The following CHST9 variants were observed in gnomAD, a reference collection of about 807,000 sequenced individuals.
CHST9 encodes the protein carbohydrate sulfotransferase 9.
A neutral mutation model predicts 44.4 loss-of-function variants in CHST9; 41 were observed. That is an observed-to-expected ratio of 0.92 (90% CI 0.72 to 1.20). The LOEUF is 1.20. Ranked by LOEUF, CHST9 falls within the 50% of genes most tolerant of loss-of-function variation. The pLI is 0.00. For missense variants in CHST9, 504 were observed against 516.5 expected (o/e 0.98, Z 0.23); for synonymous variants, 171 against 178.4 (o/e 0.96, Z 0.33).
intron 4 of CHST9, among the ~76,000 whole-genome samples, chr18:27,017,419 C>T (rs575925831): frequency 1.3e-5 from 2 of 152,258 alleles, no homozygotes; most frequent in Non-Finnish European, 2.9e-5. Context: ...TAGAATATCA[C>T]ACATCAATAA....
intron 2 of CHST9, among the ~76,000 whole-genome samples, chr18:27,052,718 T>G (rs576240600): frequency 6.6e-6 from 1 of 152,296 alleles, no homozygotes; most frequent in African/African-American, 2.4e-5. Context: ...GTGGCACATA[T>G]ACACCATGGA....
intron 4 of CHST9, among the ~76,000 whole-genome samples, chr18:26,950,733 G>GGA (rs1352605526): frequency 2.6e-5 from 4 of 152,146 alleles, no homozygotes; most frequent in Non-Finnish European, 5.9e-5. Flanking sequence ...AAGGGTTGAG[G>GGA]GAGGGTGAGG....
chr18:27,179,558 T>C (rs1295948873), intron 1 of CHST9, among the ~76,000 whole-genome samples: 1 of 152,040 alleles, frequency 6.6e-6, no homozygotes, highest in Non-Finnish European at 1.5e-5. Context: ...TTGGTGGTGG[T>C]AGTGGTGGTG....
chr18:27,046,178 A>G (rs2057497866), intron 3 of CHST9, among the ~76,000 whole-genome samples: 2 of 152,074 alleles, frequency 1.3e-5, no homozygotes, highest in African/African-American at 4.8e-5. Context: ...ACATAATCTC[A>G]TTCTTTCCAA....
At chr18:27,043,033 T>A (rs1356130882) in intron 3 of CHST9, among the ~76,000 whole-genome samples, 1 of 152,092 alleles carries the variant, frequency 6.6e-6, no homozygotes, top group Non-Finnish European at 1.5e-5. Context: ...ACTGGACAGG[T>A]TTGACCAGTC....
At chr18:27,163,789 C>G (rs528455820) in intron 1 of CHST9, among the ~76,000 whole-genome samples, 1 of 152,102 alleles carries the variant, frequency 6.6e-6, no homozygotes. Flanking sequence ...CACCCTGCTT[C>G]GGCTCACGCT....
chr18:26,927,422 C>T (rs1052931586), intron 5 of CHST9, among the ~76,000 whole-genome samples: 34 of 152,078 alleles, frequency 2.2e-4, no homozygotes, highest in African/African-American at 8.0e-4. Context: ...CATATGGTCT[C>T]TGAGTTCCCT....
Position 27,041,303 on chromosome 18 carries a change from G to T in CHST9, c.160+7162C>A, listed in dbSNP as rs140867775. Among the ~76,000 whole-genome samples the T allele has an allele frequency of 6.6e-4, 101 of 152,244 alleles. No homozygotes were observed. The East Asian group carries it at 0.018, about 27-fold the overall frequency. Reference sequence around the variant, plus strand: ...TGTAATACCATATTTAATTGAAGATGAAAGTGTAAAGTAATTTTTGGCTAA... The same window carrying T: ...TGTAATACCATATTTAATTGAAGATTAAAGTGTAAAGTAATTTTTGGCTAA... On this transcript the variant is annotated intron_variant, in intron 3 of 5. Transcript: ENST00000618847.
intron 2 of CHST9, among the ~76,000 whole-genome samples, chr18:27,053,256 A>AAGG (rs1555679843): frequency 0.011 from 890 of 80,482 alleles, 25 homozygotes; most frequent in African/African-American, 0.021. Flanking sequence ...GAAGAAGAAG[A>AAGG]AGAAGGAGAA....
intron 2 of CHST9, among the ~76,000 whole-genome samples, chr18:27,100,424 T>C (rs1770025343): frequency 6.6e-6 from 1 of 151,414 alleles, no homozygotes. Context: ...AATTGAAAAA[T>C]AAAAGATAAA....
chr18:27,100,554 T>TGCA (rs2058161195), intron 2 of CHST9, among the ~76,000 whole-genome samples: 2 of 152,316 alleles, frequency 1.3e-5, no homozygotes, highest in South Asian at 4.1e-4. Flanking sequence ...GACTGACTGC[T>TGCA]AGAGGACAGT....
intron 4 of CHST9, among the ~76,000 whole-genome samples, chr18:27,008,188 G>A (rs1240035593): frequency 6.6e-6 from 1 of 152,150 alleles, no homozygotes; most frequent in East Asian, 1.9e-4. Flanking sequence ...TACAGATCTG[G>A]TGAAGATATC....
chr18:27,027,686 T>C (rs1345272678), intron 3 of CHST9, among the ~76,000 whole-genome samples: 1 of 152,206 alleles, frequency 6.6e-6, no homozygotes, highest in Non-Finnish European at 1.5e-5. Flanking sequence ...ATGGAAATAC[T>C]ACCAGGATTT....
At chr18:27,131,288 G>A (rs1161853581) in intron 2 of CHST9, among the ~76,000 whole-genome samples, 2 of 152,138 alleles carry the variant, frequency 1.3e-5, no homozygotes, top group African/African-American at 2.4e-5. Context: ...GGTGGCGCAC[G>A]CCTGTAATCT....
At chr18:27,092,800 G>A (rs1278574182) in intron 2 of CHST9, among the ~76,000 whole-genome samples, 2 of 152,176 alleles carry the variant, frequency 1.3e-5, no homozygotes, top group Non-Finnish European at 2.9e-5. Context: ...TTGCACTGTG[G>A]TCTGAGAGAC....
intron 4 of CHST9, among the ~76,000 whole-genome samples, chr18:26,957,418 T>A (rs1454068175): frequency 1.3e-5 from 2 of 152,172 alleles, no homozygotes; most frequent in African/African-American, 2.4e-5. Context: ...ACATGCTATC[T>A]CAGTACGTTT....
Position 27,024,142 on chromosome 18 carries a change from T to C in CHST9, c.176A>G (p.Lys59Arg). The change falls in exon 4 of 6, where the codon AAG becomes AGG. Residue 59 changes from lysine (K) to arginine (R), a missense_variant. Transcript: ENST00000618847. ...GATTCTGGGTACAGGCCGCAAGTAC[T>C]TCACTGGTCCCCATCCTGAAAAAGA... ...QKVTSGWGPVKYLRPVPRIMS... is the reference protein window; with the variant it reads ...QKVTSGWGPVRYLRPVPRIMS... The C allele has an allele frequency of 1.2e-6, 2 of 1,612,256 alleles. No individual in the cohort carries two copies. Among genetic ancestry groups the C allele is most frequent in the Non-Finnish European group, 8.5e-7 (1 of 1,179,228 alleles).
chr18:27,115,105 A>G (rs1598734990), intron 2 of CHST9, among the ~76,000 whole-genome samples: 1 of 151,918 alleles, frequency 6.6e-6, no homozygotes, highest in East Asian at 1.9e-4. Flanking sequence ...CTTCTCCTTT[A>G]CCTCCCACCA....
At chr18:27,017,426 A>G (rs1331320381) in intron 4 of CHST9, among the ~76,000 whole-genome samples, 4 of 152,262 alleles carry the variant, frequency 2.6e-5, no homozygotes, top group Admixed American at 2.0e-4. Context: ...TCACACATCA[A>G]TAAAAAAGGA....
Sources: gnomAD v4.1 joint callset for allele counts (sites outside exome capture counted in the v4.1 genomes callset) on GRCh38, gnomAD v4.1.1 for gene constraint, MANE v1.5 for transcripts, NCBI Gene and HGNC (gene_info 2026-07-23, HGNC 2026-07-21) for gene names.